Variants in UBXN11 observed in about 807,000 individuals in gnomAD.
UBXN11 encodes UBX domain-containing protein 11.
A neutral mutation model predicts 62.8 loss-of-function variants in UBXN11; 47 were observed. That is an observed-to-expected ratio of 0.75 (90% CI 0.59 to 0.95). The LOEUF (loss-of-function observed/expected upper bound fraction) is 0.95, where lower values mean the gene tolerates loss of function less well. Among genes scored for constraint, UBXN11 ranks in the 40% least tolerant of loss-of-function variants. UBXN11 has a pLI of 0.00. For missense variants in UBXN11, 638 were observed against 661.7 expected (o/e 0.96, Z 0.39); for synonymous variants, 294 against 267.0 (o/e 1.10, Z -0.99).
At chr1:26,299,631 G>A (rs966001674) in intron 4 of UBXN11, among the ~76,000 whole-genome samples, 1 of 152,164 alleles carries the variant, frequency 6.6e-6, no homozygotes, top group African/African-American at 2.4e-5. Flanking sequence ...CTAAGAGCTT[G>A]GTGGAGGTCC....
rs2073409554 is a variant in UBXN11, at chr1:26,296,988, T to G, written c.363A>C (p.Ala121=). ...CCAGTTCCTCCTGCCGCTGCAGGGT[T>G]GCCTCGGCTTCAGGGAAAGACAGGG... ...VQTLRPHPAE[A]TLQRQEELET... The change falls in exon 7 of 15, where the codon GCA becomes GCC. Residue 121 remains alanine (A), a synonymous_variant. Transcript: ENST00000374222. 2 of 1,602,152 alleles carry G rather than the reference T, an allele frequency of 1.2e-6. No individual in the cohort carries two copies. The highest frequency in any genetic ancestry group is 2.2e-5 in the South Asian group (2 of 88,964).
At position 26,282,766 on chromosome 1, in the gene UBXN11, G is replaced by T. The variant is rs111606040; in HGVS notation, c.1175C>A (p.Pro392Gln). The T allele has an allele frequency of 6.2e-7, 1 of 1,613,990 alleles. No individual in the cohort carries two copies. The highest frequency in any genetic ancestry group is 1.3e-5 in the African/African-American group (1 of 74,912). The change falls in exon 14 of 15, where the codon CCG becomes CAG. Residue 392 changes from proline to glutamine, a missense_variant. Pro to Gln is a moderately conservative substitution (Grantham distance 76). Transcript: ENST00000374222. The stretch of plus-strand genomic sequence containing the variant: ...GCGCAGCATGGAGAGCGGGGGTGCC[G>T]GCGTGTTGGGTGACTCCTGGCTCCT... The part of the protein sequence containing the change: ...RERSQESPNT[P>Q]APPLSMLRIK...
intron 7 of UBXN11, 113 bp downstream of exon 7, chr1:26,296,806 A>T: frequency 9.2e-7 from 1 of 1,089,474 alleles, no homozygotes; most frequent in Non-Finnish European, 1.3e-6. Context: ...CCTGGGTGGG[A>T]TGTGACGAGG....
chr1:26,285,492 C>T lies in UBXN11; in HGVS notation c.824G>A (p.Arg275Gln), dbSNP rs1256557524. The T allele has an allele frequency of 6.2e-6, 10 of 1,604,364 alleles. No individual in the cohort carries two copies. The highest frequency in any genetic ancestry group is 1.1e-5 in the South Asian group (1 of 90,402). The stretch of plus-strand genomic sequence containing the variant: ...AAAGGGGACCCCATTGGGGTACAGT[C>T]GCTGGAGCTCTGAGGGAAAGAAGCC... The part of the protein sequence containing the change: ...LDGFFPSELQ[R>Q]LYPNGVPFKV... The change falls in exon 10 of 15, where the codon CGA becomes CAA. Residue 275 changes from arginine (R) to glutamine (Q), a missense_variant. By Grantham distance (43) the Arg-to-Gln change is conservative. Coordinates refer to ENST00000374222, the MANE Select transcript of UBXN11 (RefSeq NM_001389556.1).
chr1:26,285,371 G>C, intron 10 of UBXN11, 93 bp downstream of exon 10: 1 of 1,552,138 alleles, frequency 6.4e-7, no homozygotes, highest in South Asian at 1.2e-5. Context: ...GAGTGCAGCG[G>C]CTTCCCCTCA....
chr1:26,315,829 T>C (rs1220227006), intron 1 of UBXN11, among the ~76,000 whole-genome samples: 2 of 152,192 alleles, frequency 1.3e-5, no homozygotes, highest in African/African-American at 4.8e-5. Context: ...CTGGCTAATT[T>C]CTGTATTTTC....
chr1:26,295,764 C>A (rs370900049), intron 7 of UBXN11, among the ~76,000 whole-genome samples: 1 of 152,228 alleles, frequency 6.6e-6, no homozygotes, highest in Non-Finnish European at 1.5e-5. Flanking sequence ...CCTGTGTACT[C>A]GTTTGTTCCC....
At position 26,286,087 on chromosome 1, in the gene UBXN11, C is replaced by G. The variant is rs1174632561; in HGVS notation, c.560-50G>C. On this transcript the variant is annotated intron_variant, in intron 8 of 14. Transcript: ENST00000374222. ...GAGCCGCCTTTTGGCTGTCATGTCC[C>G]TAGCAGCCCTAGCCTCTGTGGCTCC... 2.0e-6 allele frequency: 3 copies of G among 1,511,420 alleles called. No individual in the cohort carries two copies. The South Asian group carries it at 3.8e-5, about 19-fold the overall frequency. 93.6% of individuals were successfully genotyped at this position (1,511,420 alleles called of 1,614,324 possible). A position where few individuals can be genotyped will look rare whatever the true frequency, so the allele number is the denominator to read the frequency against.
chr1:26,291,585 C>A (rs1197076313), intron 8 of UBXN11, among the ~76,000 whole-genome samples: 7 of 152,270 alleles, frequency 4.6e-5, no homozygotes, highest in Middle Eastern at 3.4e-3. Context: ...AGGAGGTCCC[C>A]CCTGGCCAGG....
chr1:26,315,133 C>T (rs1344768934), intron 1 of UBXN11, among the ~76,000 whole-genome samples: 1 of 152,126 alleles, frequency 6.6e-6, no homozygotes, highest in African/African-American at 2.4e-5. Context: ...GAAGGGCTTT[C>T]CTTGCAGAGG....
intron 8 of UBXN11, among the ~76,000 whole-genome samples, chr1:26,293,143 C>T (rs780807445): frequency 6.6e-5 from 10 of 152,124 alleles, no homozygotes; most frequent in Non-Finnish European, 1.0e-4. Flanking sequence ...AGGCGCTCTG[C>T]GTTTAACTCA....
At chr1:26,316,125 ATTTTTT>A (rs57889417) in intron 1 of UBXN11, among the ~76,000 whole-genome samples, 2 of 91,464 alleles carry the variant, frequency 2.2e-5, no homozygotes, top group Admixed American at 2.8e-4. Flanking sequence ...TGCCCGGCTA[ATTTTTT>A]TTTTTTTTTT....
At chr1:26,301,901 A>C (rs1413357447) in intron 2 of UBXN11, among the ~76,000 whole-genome samples, 179 bp from the exon 3 acceptor site, 1 of 152,152 alleles carries the variant, frequency 6.6e-6, no homozygotes, top group Non-Finnish European at 1.5e-5. Context: ...GACAAGGGAC[A>C]GGCTTCGAGG....
chr1:26,284,458 A>C lies in UBXN11; in HGVS notation c.877T>G (p.Tyr293Asp), dbSNP rs769676735. ...AAGGGGTCCAGTCCATCCTCCAGGT[A>C]GACCTGATTGCGCAAGTCACTCACC... The part of the protein sequence containing the change: ...FKVSDLRNQV[Y>D]LEDGLDPFPG... The change falls in exon 11 of 15, where the codon TAC becomes GAC. Residue 293 changes from tyrosine to aspartate, a missense_variant. By Grantham distance (160) the Tyr-to-Asp change is radical (BLOSUM62 -3). Transcript: ENST00000374222. The C allele has an allele frequency of 1.2e-6, 2 of 1,608,986 alleles. No individual in the cohort carries two copies. Among genetic ancestry groups the C allele is most frequent in the African/African-American group, 2.7e-5 (2 of 74,798 alleles).
At chr1:26,288,755 G>A (rs1310455110) in intron 8 of UBXN11, among the ~76,000 whole-genome samples, 1 of 152,206 alleles carries the variant, frequency 6.6e-6, no homozygotes, top group Non-Finnish European at 1.5e-5. Context: ...TCCAGCTGGT[G>A]AACCTGTCTG....
chr1:26,314,692 G>C (rs1204240216), intron 1 of UBXN11, among the ~76,000 whole-genome samples: 4 of 152,188 alleles, frequency 2.6e-5, no homozygotes, highest in Non-Finnish European at 5.9e-5. Flanking sequence ...GCTTCGCTGA[G>C]TAAGAGAAGT....
chr1:26,301,319 C>T (rs925398945), intron 3 of UBXN11, among the ~76,000 whole-genome samples: 1 of 152,086 alleles, frequency 6.6e-6, no homozygotes, highest in Non-Finnish European at 1.5e-5. Context: ...TGTGGACAGG[C>T]CTCCCGGGAG....
chr1:26,283,226 A>G (rs574296481), intron 12 of UBXN11, among the ~76,000 whole-genome samples: 2 of 152,092 alleles, frequency 1.3e-5, no homozygotes, highest in Non-Finnish European at 2.9e-5. Flanking sequence ...GGGGTCAGGG[A>G]AGGCTTCCCT....
intron 8 of UBXN11, 86 bp from the exon 9 acceptor site, chr1:26,286,123 G>T: frequency 7.7e-7 from 1 of 1,294,474 alleles, no homozygotes. Flanking sequence ...CTCCCAAGCT[G>T]GGCAGTGGTC....
Sources: gnomAD v4.1 joint callset for allele counts (sites outside exome capture counted in the v4.1 genomes callset) on GRCh38, gnomAD v4.1.1 for gene constraint, MANE v1.5 for transcripts, NCBI Gene and HGNC (gene_info 2026-07-23, HGNC 2026-07-21) for gene names.